The following ATRNL1 variants were observed in gnomAD, a reference collection of about 807,000 sequenced individuals.
ATRNL1 encodes attractin like 1.
A neutral mutation model predicts 182.7 loss-of-function variants in ATRNL1; 95 were observed. That is an observed-to-expected ratio of 0.52 (90% CI 0.44 to 0.62). The LOEUF is 0.62. Among genes scored for constraint, ATRNL1 ranks in the 20% least tolerant of loss-of-function variants. The pLI, the probability that ATRNL1 is intolerant of heterozygous loss-of-function variation, is 0.00. For synonymous variants in ATRNL1, 576 were observed against 568.3 expected (o/e 1.01, Z -0.19); for missense variants, 1,471 against 1,679.5 (o/e 0.88, Z 2.17).
At chr10:115,719,435 C>A (rs1437092426) in intron 26 of ATRNL1, among the ~76,000 whole-genome samples, 1 of 152,066 alleles carries the variant, frequency 6.6e-6, no homozygotes, top group Non-Finnish European at 1.5e-5. Context: ...AAGTGATTTT[C>A]TTTTGAAAAA....
intron 9 of ATRNL1, among the ~76,000 whole-genome samples, chr10:115,225,416 G>A (rs976723863): frequency 2.0e-5 from 3 of 150,236 alleles, no homozygotes; most frequent in African/African-American, 7.3e-5. Flanking sequence ...AAGGGTGCTC[G>A]CTGTCACCAC....
chr10:115,652,996 AAAT>A (rs1355717438), intron 26 of ATRNL1, among the ~76,000 whole-genome samples: 8 of 152,118 alleles, frequency 5.3e-5, no homozygotes, highest in Non-Finnish European at 1.2e-4. Context: ...ATTTATTTTT[AAAT>A]AATAGTTTTT....
chr10:115,867,608 G>C (rs1340532679), intron 28 of ATRNL1, among the ~76,000 whole-genome samples: 1 of 152,080 alleles, frequency 6.6e-6, no homozygotes, highest in Non-Finnish European at 1.5e-5. Context: ...TCAGCCCTCT[G>C]TCTTGTGCCG....
Position 115,915,173 on chromosome 10 carries a change from G to A in ATRNL1, c.4019-29485G>A, listed in dbSNP as rs184597568. ...AGCACTTTGGGAGGCCGAGGCAGGC[G>A]GATCACGAAGTCAGGAGATGAAGAT... On this transcript the variant is annotated intron_variant, in intron 28 of 28. Coordinates refer to ENST00000355044, the MANE Select transcript of ATRNL1 (RefSeq NM_207303.4). Among the ~76,000 whole-genome samples, 131 of 152,222 alleles carry A rather than the reference G, an allele frequency of 8.6e-4. 2 individuals are homozygous for A. The East Asian group carries it at 0.01, about 12-fold the overall frequency.
chr10:115,920,310 C>T (rs1429615067), intron 28 of ATRNL1, among the ~76,000 whole-genome samples: 6 of 152,170 alleles, frequency 3.9e-5, no homozygotes, highest in African/African-American at 7.2e-5. Context: ...TTATCAGGCA[C>T]GTGAAGTTGT....
intron 9 of ATRNL1, among the ~76,000 whole-genome samples, chr10:115,237,436 G>C (rs1850234261): frequency 6.6e-6 from 1 of 152,214 alleles, no homozygotes; most frequent in Non-Finnish European, 1.5e-5. Context: ...TAATATGTGT[G>C]TAGTGGTATT....
chr10:115,375,629 G>A, intron 19 of ATRNL1, among the ~76,000 whole-genome samples: 1 of 151,706 alleles, frequency 6.6e-6, no homozygotes, highest in Non-Finnish European at 1.5e-5. Context: ...TTTTGTGCAT[G>A]TACTAGAGGT....
intron 9 of ATRNL1, among the ~76,000 whole-genome samples, chr10:115,234,540 AT>A (rs1297470220): frequency 6.7e-6 from 1 of 149,764 alleles, no homozygotes; most frequent in Non-Finnish European, 1.5e-5. Context: ...TTGTACCAAT[AT>A]TTTTTACAAA....
chr10:115,140,119 A>G (rs1476698112), intron 5 of ATRNL1, among the ~76,000 whole-genome samples: 2 of 152,230 alleles, frequency 1.3e-5, no homozygotes, highest in African/African-American at 2.4e-5. Flanking sequence ...AATTGCCTTT[A>G]CATCTTTGCA....
At position 115,422,350 on chromosome 10, in the gene ATRNL1, C is replaced by T. The variant is rs578248858; in HGVS notation, c.3270-3900C>T. On this transcript the variant is annotated intron_variant, in intron 20 of 28. Transcript: ENST00000355044. Reference sequence around the variant, plus strand: ...GGAACTTAAATCAACAAGCAAAAAACGAACAACCGCATTAAAAAGTGAGCA... The same window carrying T: ...GGAACTTAAATCAACAAGCAAAAAATGAACAACCGCATTAAAAAGTGAGCA... Among the ~76,000 whole-genome samples the T allele has an allele frequency of 1.4e-4, 21 of 152,054 alleles. No individual in the cohort carries two copies. In the South Asian group the frequency reaches 2.3e-3, roughly 17 times the overall value.
intron 27 of ATRNL1, among the ~76,000 whole-genome samples, chr10:115,799,485 C>T (rs782658007): frequency 2.6e-5 from 4 of 152,210 alleles, no homozygotes; most frequent in Non-Finnish European, 4.4e-5. Flanking sequence ...TCCCAGTATT[C>T]TCCCAGCCCA....
At chr10:115,386,102 A>T (rs1330493454) in intron 19 of ATRNL1, among the ~76,000 whole-genome samples, 4 of 152,046 alleles carry the variant, frequency 2.6e-5, no homozygotes, top group African/African-American at 9.7e-5. Flanking sequence ...AGCCGGCTGG[A>T]ATTGTATTGA....
At chr10:115,506,172 A>G (rs1554981251) in intron 24 of ATRNL1, among the ~76,000 whole-genome samples, 1 of 151,550 alleles carries the variant, frequency 6.6e-6, no homozygotes, top group Non-Finnish European at 1.5e-5. Flanking sequence ...GTGTTGTGGC[A>G]GGGTGTCAGG....
chr10:115,888,612 A>G (rs1466041688), intron 28 of ATRNL1, among the ~76,000 whole-genome samples: 8 of 152,228 alleles, frequency 5.3e-5, no homozygotes, highest in Admixed American at 3.3e-4. Flanking sequence ...CTTATAAGGT[A>G]CTTATTACCT....
chr10:115,296,916 T>C (rs914631187), intron 15 of ATRNL1, among the ~76,000 whole-genome samples: 11 of 152,136 alleles, frequency 7.2e-5, no homozygotes, highest in Non-Finnish European at 1.2e-4. Flanking sequence ...AAGAGCTTAG[T>C]GGGGAGAGAA....
intron 1 of ATRNL1, among the ~76,000 whole-genome samples, chr10:115,115,698 T>C (rs1844453012): frequency 6.6e-6 from 1 of 152,120 alleles, no homozygotes; most frequent in Non-Finnish European, 1.5e-5. Context: ...TGTAGGCTGG[T>C]TATGCCAGGA....
chr10:115,476,747 G>T (rs1395154414), intron 24 of ATRNL1, among the ~76,000 whole-genome samples: 2 of 150,960 alleles, frequency 1.3e-5, no homozygotes, highest in African/African-American at 4.9e-5. Context: ...TCTTGCAAAT[G>T]ACCTTTCTGG....
Position 115,947,623 on chromosome 10 carries a change from A to G in ATRNL1, c.*2844A>G, listed in dbSNP as rs1953904604. 1.3e-5 allele frequency: 2 copies of G among 152,652 alleles called. No individual in the cohort carries two copies. Among genetic ancestry groups the G allele is most frequent in the African/African-American group, 4.8e-5 (2 of 41,464 alleles). The allele number at this position is 152,652 out of a possible 1,614,324, so 9.5% of individuals were successfully genotyped here. A position where few individuals can be genotyped will look rare whatever the true frequency, so the allele number is the denominator to read the frequency against. ...CAGAGATGCCGTATACTATAGTGTT[A>G]TGTTCAGTAGGAAAACTTCAAATAG... is the stretch of plus-strand genomic sequence containing the variant. On this transcript the variant is annotated 3_prime_UTR_variant, in exon 29 of 29. Transcript: ENST00000355044.
At chr10:115,316,318 A>T (rs1253510863) in intron 18 of ATRNL1, among the ~76,000 whole-genome samples, 18 of 152,158 alleles carry the variant, frequency 1.2e-4, no homozygotes, top group African/African-American at 4.3e-4. Flanking sequence ...GCAGTATTCC[A>T]TGGTGTATAC....
Sources: allele counts gnomAD v4.1 joint callset (sites outside exome capture counted in the v4.1 genomes callset), GRCh38; gene constraint gnomAD v4.1.1; transcripts MANE v1.5; gene names NCBI Gene and HGNC (gene_info 2026-07-23, HGNC 2026-07-21).